The following VWA8 variants were observed in gnomAD, a reference collection of about 807,000 sequenced individuals.
The protein encoded by VWA8 is von Willebrand factor A domain-containing protein 8.
VWA8 carries 221 observed loss-of-function variants against 241.5 expected under a neutral mutation model. The ratio of observed to expected loss-of-function variants is 0.91; its 90% CI spans 0.82 to 1.02. VWA8 has a LOEUF of 1.02. Ranked by LOEUF, VWA8 falls within the 50% of genes least tolerant of loss-of-function variation. The pLI is 0.00. For missense variants in VWA8, 2,322 were observed against 2,328.7 expected (o/e 1.00, Z 0.06); for synonymous variants, 852 against 827.1 (o/e 1.03, Z -0.52).
chr13:41,682,150 C>T (rs577242757), intron 35 of VWA8, among the ~76,000 whole-genome samples: 10 of 152,112 alleles, frequency 6.6e-5, no homozygotes, highest in African/African-American at 1.4e-4. Flanking sequence ...CAAGAGAGTA[C>T]GGTATTAGTA....
intron 24 of VWA8, among the ~76,000 whole-genome samples, chr13:41,724,632 T>C (rs369626849): frequency 1.6e-4 from 24 of 152,276 alleles, no homozygotes; most frequent in African/African-American, 4.3e-4. Context: ...TTTTAATTGC[T>C]TTCGTTTTTC....
rs1875799081 is a variant in VWA8, at chr13:41,907,830, G to A, written c.373-134C>T. On this transcript the variant is annotated intron_variant, in intron 3 of 44. Transcript: ENST00000379310. ...ACCTAATTTTGGGTTGAAACTTGTT[G>A]AATCTAAGTTTGAGAAAAAAGAAAT... 4 of 676,466 alleles carry A rather than the reference G, an allele frequency of 5.9e-6. No homozygotes were observed. In the East Asian group the frequency reaches 1.1e-4, roughly 19 times the overall value. The allele number at this position is 676,466 out of a possible 1,614,324, so 41.9% of individuals were successfully genotyped here. A position where few individuals can be genotyped will look rare whatever the true frequency, so the allele number is the denominator to read the frequency against.
intron 37 of VWA8, among the ~76,000 whole-genome samples, chr13:41,629,061 C>A (rs2044710877): frequency 6.6e-6 from 1 of 151,628 alleles, no homozygotes; most frequent in African/African-American, 2.4e-5. Context: ...CAAAAACAAG[C>A]AAACAAACAA....
In VWA8 at chr13:41,692,977, A is replaced by C. The variant is rs771063398; in HGVS notation, c.3565-5T>G. Reference sequence around the variant, plus strand: ...TAACAACAGGATAACATTACTCTGCAAATGATAAAAACAGTGAAAAGCTCA... The same window carrying C: ...TAACAACAGGATAACATTACTCTGCCAATGATAAAAACAGTGAAAAGCTCA... On this transcript the variant is annotated splice_polypyrimidine_tract_variant and splice_region_variant and intron_variant, in intron 29 of 44. Transcript: ENST00000379310. The C allele has an allele frequency of 3.1e-6, 5 of 1,589,202 alleles. No individual in the cohort carries two copies. Among genetic ancestry groups the C allele is most frequent in the Non-Finnish European group, 4.3e-6 (5 of 1,164,466 alleles).
chr13:41,937,392 G>C (rs192015362), intron 2 of VWA8, among the ~76,000 whole-genome samples: 1 of 152,220 alleles, frequency 6.6e-6, no homozygotes, highest in East Asian at 1.9e-4. Context: ...ATGGGAGACA[G>C]TGAGAGATCG....
chr13:41,957,333 C>T (rs1878394614), intron 1 of VWA8, among the ~76,000 whole-genome samples: 1 of 152,208 alleles, frequency 6.6e-6, no homozygotes, highest in South Asian at 2.1e-4. Context: ...CGTGACTTTT[C>T]TCCTCCTTCG....
chr13:41,733,603 T>C (rs2045502720), intron 21 of VWA8, among the ~76,000 whole-genome samples: 1 of 152,188 alleles, frequency 6.6e-6, no homozygotes, highest in South Asian at 2.1e-4. Flanking sequence ...TTCAGTTTTT[T>C]AGCAGAGATG....
At chr13:41,674,017 A>T (rs2137801703) in intron 36 of VWA8, among the ~76,000 whole-genome samples, 1 of 152,350 alleles carries the variant, frequency 6.6e-6, no homozygotes, top group Admixed American at 6.5e-5. Context: ...GTATATTTTA[A>T]TGAGCATATA....
chr13:41,937,207 G>C (rs941231169), intron 2 of VWA8, among the ~76,000 whole-genome samples: 4 of 152,114 alleles, frequency 2.6e-5, no homozygotes, highest in Non-Finnish European at 4.4e-5. Context: ...CCACAGACTG[G>C]GGGGAGGGAA....
Position 41,690,247 on chromosome 13 carries a change from T to C in VWA8, c.3895A>G (p.Ile1299Val), listed in dbSNP as rs2045166951. The C allele has an allele frequency of 6.2e-6, 10 of 1,612,644 alleles. No homozygotes were observed. Among genetic ancestry groups the C allele is most frequent in the Non-Finnish European group, 8.5e-6 (10 of 1,178,982 alleles). Residue 1299 changes from isoleucine to valine, a missense_variant, in exon 33 of 45, where the codon ATC (isoleucine) becomes GTC (valine). By Grantham distance (29) the Ile-to-Val change is conservative. Coordinates refer to ENST00000379310, the MANE Select transcript of VWA8 (RefSeq NM_015058.2). ...QKYLLTKPAHIESEGSGVCQL... is the reference protein window; with the variant it reads ...QKYLLTKPAHVESEGSGVCQL... ...CAAACCCCACTACCCTCAGATTCGA[T>C]GTGTGCAGGCTTAGTTAAAAGATAT... is the stretch of plus-strand genomic sequence containing the variant.
rs188021499 is a variant in VWA8 at position 41,587,876 on chromosome 13, T to C, written c.5113-206A>G. ...AAACAGAATTTCAGACTTGTGCTAA[T>C]GGTTGGGGCCACATGGAAAATATTT... is the stretch of plus-strand genomic sequence containing the variant. On this transcript the variant is annotated intron_variant, in intron 41 of 44. Coordinates refer to ENST00000379310, the MANE Select transcript of VWA8 (RefSeq NM_015058.2). Among the ~76,000 whole-genome samples, 463 of 152,266 alleles carry C rather than the reference T, an allele frequency of 3.0e-3. 1 individual carries two copies. The highest frequency in any genetic ancestry group is 0.011 in the African/African-American group (441 of 41,508).
At chr13:41,670,881 G>T in intron 37 of VWA8, 65 bp downstream of exon 37, 1 of 1,566,340 alleles carries the variant, frequency 6.4e-7, no homozygotes, top group South Asian at 1.1e-5. Context: ...CATGACTGTG[G>T]CATCTGGAAC....
At chr13:41,903,373 G>T (rs1009748794) in intron 4 of VWA8, among the ~76,000 whole-genome samples, 1 of 152,118 alleles carries the variant, frequency 6.6e-6, no homozygotes, top group African/African-American at 2.4e-5. Flanking sequence ...GTTTTTAGGT[G>T]CCTGAGATGA....
In VWA8 at chr13:41,811,297, CG is replaced by C; in HGVS notation, c.1990del (p.Arg664GlufsTer35). ...ATACTGTGACAGCCGACGAGAAATT[CG>C]CAACAGTTGTCTGGTAGAAAGTGAT... ...AASLSTRQLL[R>X]ISRRLSQYPN... is the part of the protein sequence containing the mutation. On this transcript the variant is annotated frameshift_variant, in exon 17 of 45. Transcript: ENST00000379310. LOFTEE classifies it high-confidence loss of function. The C allele has an allele frequency of 6.2e-7, 1 of 1,610,458 alleles. No homozygotes were observed. The highest frequency in any genetic ancestry group is 8.5e-7 in the Non-Finnish European group (1 of 1,177,418).
At chr13:41,830,306 G>T (rs1353876462) in intron 14 of VWA8, among the ~76,000 whole-genome samples, 2 of 142,674 alleles carry the variant, frequency 1.4e-5, no homozygotes, top group Admixed American at 6.9e-5. Flanking sequence ...AGTTGATTAG[G>T]TTTTTTTTTT....
At chr13:41,891,353 A>G in intron 5 of VWA8, 67 bp downstream of exon 5, 2 of 1,580,924 alleles carry the variant, frequency 1.3e-6, no homozygotes, top group Non-Finnish European at 1.7e-6. Flanking sequence ...GCCATGTCTT[A>G]CACAATAAAA....
chr13:41,646,879 T>G (rs1376373191), intron 37 of VWA8, among the ~76,000 whole-genome samples: 1 of 152,238 alleles, frequency 6.6e-6, no homozygotes, highest in Non-Finnish European at 1.5e-5. Context: ...GCAGACTCAA[T>G]GCTTGCCCTA....
intron 26 of VWA8, among the ~76,000 whole-genome samples, chr13:41,706,205 T>C (rs1421317388): frequency 1.3e-5 from 2 of 152,270 alleles, no homozygotes; most frequent in Non-Finnish European, 2.9e-5. Context: ...TCATAAAATC[T>C]GGTTTGAACT....
chr13:41,608,600 A>C (rs61963027), intron 39 of VWA8, among the ~76,000 whole-genome samples: 18,139 of 152,196 alleles, frequency 0.12, 1,427 homozygotes, highest in South Asian at 0.25. Context: ...TAAATACTAT[A>C]ATTTTGAATC....
Sources: gnomAD v4.1 joint callset for allele counts (sites outside exome capture counted in the v4.1 genomes callset) on GRCh38, gnomAD v4.1.1 for gene constraint, MANE v1.5 for transcripts, NCBI Gene and HGNC (gene_info 2026-07-23, HGNC 2026-07-21) for gene names.